KIAA1671: variants seen among roughly 807,000 people sequenced by gnomAD.
KIAA1671 encodes the protein KIAA1671.
In KIAA1671, 52 loss-of-function variants were observed where a neutral mutation model predicts 131.2. The observed-to-expected ratio is 0.40, with a 90% CI of 0.32 to 0.50. The LOEUF is 0.50. Among genes scored for constraint, KIAA1671 ranks in the 20% least tolerant of loss-of-function variants. The pLI is 0.73. For missense variants in KIAA1671, 2,360 were observed against 2,364.2 expected (o/e 1.00, Z 0.04); for synonymous variants, 1,003 against 961.6 (o/e 1.04, Z -0.80).
At chr22:25,047,004 T>G (rs1229381865) in intron 5 of KIAA1671, among the ~76,000 whole-genome samples, 1 of 149,184 alleles carries the variant, frequency 6.7e-6, no homozygotes, top group Admixed American at 6.8e-5. Context: ...AGCGTCTCAC[T>G]CTGTCACTCA....
Position 25,185,002 on chromosome 22 carries a change from T to C in KIAA1671, c.5225T>C (p.Val1742Ala), listed in dbSNP as rs556148296. ...LKAQLHKRPE[V>A]DSPGETPSWA... ...GCTCAGCTGCACAAGAGGCCAGAGG[T>C]GGACAGTCCTGGCGAGACCCCCAGC... The change falls in exon 11 of 13, where the codon GTG (valine) becomes GCG (alanine). Residue 1742 changes from valine (V) to alanine (A), a missense_variant. This residue lies in a region of KIAA1671 where 1,161 missense variants were observed against 1,204.7 expected (regional missense o/e 0.96). Transcript: ENST00000358431. 7.7e-6 allele frequency: 12 copies of C among 1,551,362 alleles called. No homozygotes were observed. In the African/African-American group the frequency reaches 1.1e-4, roughly 14 times the overall value.
intron 1 of KIAA1671, among the ~76,000 whole-genome samples, chr22:25,008,424 A>C (rs1465629202): frequency 6.6e-6 from 1 of 151,550 alleles, no homozygotes; most frequent in African/African-American, 2.4e-5. Flanking sequence ...AATAATATCA[A>C]CCCCAGGAGG....
chr22:25,062,403 T>C (rs1181023744), intron 6 of KIAA1671: 7 of 152,308 alleles, frequency 4.6e-5, no homozygotes, highest in African/African-American at 1.7e-4. Flanking sequence ...GCCCAGAACA[T>C]TGTCCTCACC....
At chr22:25,048,297 T>C (rs1927355869) in intron 5 of KIAA1671, among the ~76,000 whole-genome samples, 1 of 152,112 alleles carries the variant, frequency 6.6e-6, no homozygotes, top group African/African-American at 2.4e-5. Flanking sequence ...CATCTGGGTG[T>C]AGATGGGATT....
At position 25,028,652 on chromosome 22, in the gene KIAA1671, C is replaced by T. The variant is rs1739784086; in HGVS notation, c.653C>T (p.Pro218Leu). The T allele has an allele frequency of 6.4e-7, 1 of 1,551,084 alleles. No homozygotes were observed. Among genetic ancestry groups the T allele is most frequent in the Admixed American group, 2.0e-5 (1 of 50,996 alleles). ...GAGGAGGCAGGCCAAGACCATCCTC[C>T]CTCAAAGGCCAGCAGTGTGGAGGAC... ...PQEEAGQDHP[P>L]SKASSVEDTA... The change falls in exon 3 of 13, where the codon CCC (proline) becomes CTC (leucine). Residue 218 changes from proline to leucine, a missense_variant. By Grantham distance (98) the Pro-to-Leu change is moderately conservative. Coordinates refer to ENST00000358431, the MANE Select transcript of KIAA1671 (RefSeq NM_001145206.2).
chr22:24,980,270 A>ATTTTT (rs59392276), intron 1 of KIAA1671, among the ~76,000 whole-genome samples: 49 of 119,216 alleles, frequency 4.1e-4, no homozygotes, highest in African/African-American at 1.4e-3. Context: ...AGTTTCTTTG[A>ATTTTT]TTTTTTTTTT....
intron 1 of KIAA1671, among the ~76,000 whole-genome samples, chr22:24,994,851 A>G (rs920879994): frequency 2.0e-5 from 3 of 152,000 alleles, no homozygotes; most frequent in Non-Finnish European, 4.4e-5. Context: ...CACCTGCTGT[A>G]TACACTTTCC....
intron 6 of KIAA1671, among the ~76,000 whole-genome samples, chr22:25,078,996 A>G (rs1241586698): frequency 6.6e-6 from 1 of 152,158 alleles, no homozygotes; most frequent in Non-Finnish European, 1.5e-5. Flanking sequence ...CAGTTTTGCC[A>G]TCTATAGAGT....
chr22:25,087,560 TAGAC>T (rs1164301766), intron 6 of KIAA1671, among the ~76,000 whole-genome samples: 2 of 152,098 alleles, frequency 1.3e-5, no homozygotes, highest in Non-Finnish European at 2.9e-5. Context: ...TCCTGCCTGG[TAGAC>T]AGAGCGAGAC....
At chr22:25,182,071 T>G (rs888677512) in intron 10 of KIAA1671, among the ~76,000 whole-genome samples, 58 of 151,888 alleles carry the variant, frequency 3.8e-4, no homozygotes, top group Non-Finnish European at 7.9e-4. Flanking sequence ...CCCAGCTACC[T>G]GGGAGGCTGA....
At chr22:25,027,003 T>G in intron 2 of KIAA1671, among the ~76,000 whole-genome samples, 1 of 152,154 alleles carries the variant, frequency 6.6e-6, no homozygotes, top group East Asian at 1.9e-4. Context: ...TTGTACCCAC[T>G]AAATAGGGTT....
At position 25,029,084 on chromosome 22, in the gene KIAA1671, C is replaced by A; in HGVS notation, c.1085C>A (p.Pro362Gln). The change falls in exon 3 of 13, where the codon CCG (proline) becomes CAG (glutamine). Residue 362 changes from proline (P) to glutamine (Q), a missense_variant. Coordinates refer to ENST00000358431, the MANE Select transcript of KIAA1671 (RefSeq NM_001145206.2). ...CGGAAGGAGAAGATGCTTTCGAAGCCGGAGATGGGCAGCCCCAGAGCCCTG... is the reference window on the plus strand; with the variant it reads ...CGGAAGGAGAAGATGCTTTCGAAGCAGGAGATGGGCAGCCCCAGAGCCCTG... ...RERKEKMLSKPEMGSPRALVG... is the reference protein window; with the variant it reads ...RERKEKMLSKQEMGSPRALVG... The A allele has an allele frequency of 6.7e-7, 1 of 1,494,308 alleles. No homozygotes were observed. 92.6% of individuals were successfully genotyped at this position (1,494,308 alleles called of 1,614,324 possible). A position where few individuals can be genotyped will look rare whatever the true frequency, so the allele number is the denominator to read the frequency against.
intron 1 of KIAA1671, chr22:25,024,270 C>T (rs1925821454): frequency 6.6e-6 from 1 of 152,226 alleles, no homozygotes; most frequent in Non-Finnish European, 1.5e-5. Context: ...CAAACAGTTG[C>T]TCTTGGTGAC....
At chr22:25,071,547 G>A (rs1337017955) in intron 6 of KIAA1671, among the ~76,000 whole-genome samples, 2 of 151,782 alleles carry the variant, frequency 1.3e-5, no homozygotes, top group East Asian at 3.9e-4. Context: ...TAATGCATGT[G>A]CATGGTAAAA....
At chr22:25,032,180 C>G (rs1926331196) in intron 3 of KIAA1671, among the ~76,000 whole-genome samples, 1 of 152,234 alleles carries the variant, frequency 6.6e-6, no homozygotes, top group Admixed American at 6.5e-5. Context: ...CCTGGCACTG[C>G]TAACAACAGC....
At position 25,049,256 on chromosome 22, in the gene KIAA1671, G is replaced by A; in HGVS notation, c.4422G>A (p.Glu1474=). 1 of 1,552,074 alleles carries A rather than the reference G, an allele frequency of 6.4e-7. No homozygotes were observed. The highest frequency in any genetic ancestry group is 8.7e-7 in the Non-Finnish European group (1 of 1,147,018). ...TGCTGCCACGGGACCTGGAGAAGGA[G>A]GATGCCCCCCAGGAGAAGGAGCGAC... ...HKVLPRDLEK[E]DAPQEKERPL... is the part of the protein sequence containing the mutation. The change falls in exon 6 of 13, where the codon GAG becomes GAA. Residue 1474 remains glutamate, a synonymous_variant. Transcript: ENST00000358431.
At chr22:25,032,395 C>G (rs1308840922) in intron 3 of KIAA1671, among the ~76,000 whole-genome samples, 1 of 152,236 alleles carries the variant, frequency 6.6e-6, no homozygotes, top group Non-Finnish European at 1.5e-5. Context: ...AGAGCTGGGA[C>G]TAGCACCTGG....
intron 5 of KIAA1671, among the ~76,000 whole-genome samples, chr22:25,042,552 C>T (rs1437784122): frequency 4.3e-5 from 6 of 139,386 alleles, no homozygotes; most frequent in Admixed American, 3.1e-4. Context: ...CTGCAACCTT[C>T]GCCTCCTGGG....
At chr22:25,104,912 G>T (rs1601317999) in intron 6 of KIAA1671, among the ~76,000 whole-genome samples, 1 of 152,108 alleles carries the variant, frequency 6.6e-6, no homozygotes, top group African/African-American at 2.4e-5. Context: ...GAGACCATAG[G>T]TCCCCTCAAG....
Sources: allele counts gnomAD v4.1 joint callset (sites outside exome capture counted in the v4.1 genomes callset), GRCh38; gene constraint gnomAD v4.1.1; regional missense constraint gnomAD v4.1.1; transcripts MANE v1.5; gene names NCBI Gene and HGNC (gene_info 2026-07-23, HGNC 2026-07-21).